The following MILR1 variants were observed in gnomAD, a reference collection of about 807,000 sequenced individuals.
MILR1 encodes mast cell immunoglobulin like receptor 1, also known as allergin-1.
MILR1 carries 31 observed loss-of-function variants against 18.5 expected under a neutral mutation model. The ratio of observed to expected loss-of-function variants is 1.68; its 90% CI spans 1.26 to 2.26. MILR1 has a LOEUF of 2.26. Among genes scored for constraint, MILR1 ranks in the 30% most tolerant of loss-of-function variants. The pLI is 0.00. For synonymous variants in MILR1, 85 were observed against 56.2 expected (o/e 1.51, Z -2.30); for missense variants, 257 against 157.4 (o/e 1.63, Z -3.38).
At chr17:64,496,967 A>T in the MILR1 span, 1 of 1,604,482 alleles carries the variant, frequency 6.2e-7, no homozygotes, top group Non-Finnish European at 8.5e-7. Context: ...ACGAGAGCGC[A>T]TCTCTCTCCG....
intron 5 of MILR1, among the ~76,000 whole-genome samples, chr17:64,464,318 C>T (rs2037500598): frequency 6.6e-6 from 1 of 150,716 alleles, no homozygotes; most frequent in African/African-American, 2.4e-5. Flanking sequence ...CCATGTTTCC[C>T]AGGCTAGTCT....
At chr17:64,474,456 C>T in the MILR1 span, among the ~76,000 whole-genome samples, 1 of 152,088 alleles carries the variant, frequency 6.6e-6, no homozygotes, top group Admixed American at 6.5e-5. Context: ...CTCCCTGCGG[C>T]TTTGACTCCC....
At chr17:64,492,159 G>A in the MILR1 span, among the ~76,000 whole-genome samples, 4 of 152,144 alleles carry the variant, frequency 2.6e-5, no homozygotes, top group African/African-American at 4.8e-5. Flanking sequence ...ACCCTTCTGC[G>A]AAGTTCTTGA....
intron 5 of MILR1, among the ~76,000 whole-genome samples, chr17:64,463,331 C>T (rs1041405019): frequency 1.3e-5 from 2 of 152,058 alleles, no homozygotes; most frequent in East Asian, 1.9e-4. Flanking sequence ...TCATTCCTCA[C>T]GTCTTATGGC....
rs1385259615 is a variant in MILR1, at chr17:64,465,559, CGT to C, written c.853+21_853+22del. The stretch of plus-strand genomic sequence containing the variant: ...ACAAGCAAGTAAGAGAACTTTGTTG[CGT>C]GTTTTGGGTGGTTTCAGGTTTTTGT... On this transcript the variant is annotated intron_variant, in intron 6 of 9. Coordinates refer to ENST00000619286, the MANE Select transcript of MILR1 (RefSeq NM_001085423.2). The C allele has an allele frequency of 3.8e-6, 6 of 1,592,152 alleles. No individual in the cohort carries two copies. In the Admixed American group the frequency reaches 1.1e-4, roughly 28 times the overall value.
At chr17:64,475,970 C>T in the MILR1 span, among the ~76,000 whole-genome samples, 31 of 151,768 alleles carry the variant, frequency 2.0e-4, no homozygotes, top group South Asian at 4.2e-4. Flanking sequence ...CCCACCACCA[C>T]GCCCAGCTAA....
At chr17:64,496,164 C>A in the MILR1 span, among the ~76,000 whole-genome samples, 1 of 152,144 alleles carries the variant, frequency 6.6e-6, no homozygotes, top group African/African-American at 2.4e-5. Context: ...CAGAAGTTGC[C>A]CCGTGAAATT....
intron 5 of MILR1, among the ~76,000 whole-genome samples, chr17:64,463,854 C>CG (rs1266102100): frequency 2.9e-5 from 4 of 137,334 alleles, no homozygotes; most frequent in Admixed American, 2.3e-4. Flanking sequence ...GGCAGAGTCT[C>CG]GCTCTGTTGC....
At chr17:64,496,664 A>C in the MILR1 span, 1 of 1,613,898 alleles carries the variant, frequency 6.2e-7, no homozygotes, top group South Asian at 1.1e-5. Context: ...CTCTACGCCC[A>C]AGGGTCCGAA....
chr17:64,479,180 G>A, the MILR1 span, among the ~76,000 whole-genome samples: 8 of 150,002 alleles, frequency 5.3e-5, no homozygotes, highest in Admixed American at 5.3e-4. Context: ...TCATCTGAAA[G>A]GTGTTTTTTT....
At chr17:64,452,411 G>A (rs1427883166) in intron 2 of MILR1, among the ~76,000 whole-genome samples, 186 bp from the exon 3 acceptor site, 1 of 151,808 alleles carries the variant, frequency 6.6e-6, no homozygotes, top group Non-Finnish European at 1.5e-5. Context: ...CCACCACCAT[G>A]CCAGCTAATT....
intron 8 of MILR1, 79 bp from the exon 9 acceptor site, chr17:64,467,486 G>A: frequency 2.4e-6 from 2 of 829,322 alleles, no homozygotes; most frequent in Non-Finnish European, 3.9e-6. Context: ...AGGCCACCCA[G>A]CTACTAGAAA....
chr17:64,457,402 C>T lies in MILR1; in HGVS notation c.370C>T (p.Pro124Ser), dbSNP rs2037323438. 1 of 475,128 alleles carries T rather than the reference C, an allele frequency of 2.1e-6. No individual in the cohort carries two copies. Among genetic ancestry groups the T allele is most frequent in the Non-Finnish European group, 3.9e-6 (1 of 259,050 alleles). The allele number at this position is 475,128 out of a possible 1,614,324, so 29.4% of individuals were successfully genotyped here. A position where few individuals can be genotyped will look rare whatever the true frequency, so the allele number is the denominator to read the frequency against. Residue 124 changes from proline (P) to serine (S), a missense_variant and splice_region_variant, in exon 4 of 10, where the codon CCG becomes TCG. Transcript: ENST00000619286. ...SRDFSFTIVDPVTSPVLNIMV... is the reference protein window; with the variant it reads ...SRDFSFTIVDSVTSPVLNIMV... ...CATGTTCACTTTCATTCTTCCAGACCCGGTGACTTCCCCAGTGCTGAACAT... is the reference window on the plus strand; with the variant it reads ...CATGTTCACTTTCATTCTTCCAGACTCGGTGACTTCCCCAGTGCTGAACAT...
chr17:64,478,380 T>C, the MILR1 span, among the ~76,000 whole-genome samples: 1 of 152,182 alleles, frequency 6.6e-6, no homozygotes, highest in Non-Finnish European at 1.5e-5. Flanking sequence ...AGATGCAATT[T>C]GGTATAACAA....
chr17:64,490,415 C>T, the MILR1 span: 28 of 249,190 alleles, frequency 1.1e-4, no homozygotes, highest in Non-Finnish European at 2.2e-4. Context: ...AAACAGCAGA[C>T]AGATCCCAGC....
chr17:64,488,180 AC>A, the MILR1 span, among the ~76,000 whole-genome samples: 1 of 152,230 alleles, frequency 6.6e-6, no homozygotes, highest in African/African-American at 2.4e-5. Flanking sequence ...CCTGAGCAAC[AC>A]AGCGAGACCC....
the MILR1 span, chr17:64,477,981 C>T: frequency 6.2e-7 from 1 of 1,613,684 alleles, no homozygotes; most frequent in Non-Finnish European, 8.5e-7. Flanking sequence ...ATACTCATTT[C>T]ATCATACCTA....
the MILR1 span, among the ~76,000 whole-genome samples, chr17:64,477,542 C>A: frequency 6.6e-6 from 1 of 152,186 alleles, no homozygotes; most frequent in East Asian, 1.9e-4. Context: ...GGGTCCCTAA[C>A]TATAGAAACA....
chr17:64,474,218 G>A, the MILR1 span, among the ~76,000 whole-genome samples: 3 of 152,088 alleles, frequency 2.0e-5, no homozygotes, highest in Non-Finnish European at 1.5e-5. Flanking sequence ...GGGATTACAG[G>A]CGCCTGCCAC....
Sources: allele counts gnomAD v4.1 joint callset (sites outside exome capture counted in the v4.1 genomes callset), GRCh38; gene constraint gnomAD v4.1.1; transcripts MANE v1.5; gene names NCBI Gene and HGNC (gene_info 2026-07-23, HGNC 2026-07-21).